LAMB1: variants seen among roughly 807,000 people sequenced by gnomAD.
LAMB1 encodes laminin subunit beta-1.
Under a neutral mutation model 222.3 loss-of-function variants are expected in LAMB1, and 121 were observed. That is an observed-to-expected ratio of 0.54 (90% CI 0.47 to 0.63). The LOEUF (loss-of-function observed/expected upper bound fraction) is 0.63, where lower values mean the gene tolerates loss of function less well. LAMB1 is among the 30% of genes least tolerant of loss of function. The probability of loss-of-function intolerance (pLI) is 0.00; values close to 1 mark genes in which losing one functional copy is unlikely to be tolerated. For missense variants in LAMB1, 2,172 were observed against 2,240.8 expected (o/e 0.97, Z 0.62); for synonymous variants, 794 against 807.2 (o/e 0.98, Z 0.28).
intron 7 of LAMB1, among the ~76,000 whole-genome samples, chr7:107,984,669 CCT>C (rs1455913430): frequency 2.6e-5 from 4 of 152,088 alleles, no homozygotes; most frequent in Non-Finnish European, 4.4e-5. Flanking sequence ...ACATGGATGG[CCT>C]TATAACTAGG....
intron 9 of LAMB1, among the ~76,000 whole-genome samples, chr7:107,977,173 C>T (rs2033884071): frequency 7.3e-6 from 1 of 137,046 alleles, no homozygotes; most frequent in African/African-American, 2.6e-5. Context: ...TTTTTACCTA[C>T]AAAGCAAGCC....
In LAMB1 at chr7:107,975,298, T is replaced by C. The variant is rs2033829132; in HGVS notation, c.1305A>G (p.Glu435=). 1 of 1,614,110 alleles carries C rather than the reference T, an allele frequency of 6.2e-7. No homozygotes were observed. The highest frequency in any genetic ancestry group is 1.3e-5 in the African/African-American group (1 of 75,048). The change falls in exon 11 of 34, where the codon GAA becomes GAG. Residue 435 remains glutamate, a synonymous_variant. Transcript: ENST00000222399. ...AGCCTTCTTTGCAAACATCACAATGTTCTCCTTCCACATTTAATTTACACC... is the reference window on the plus strand; with the variant it reads ...AGCCTTCTTTGCAAACATCACAATGCTCTCCTTCCACATTTAATTTACACC... ...QCRCKLNVEG[E]HCDVCKEGFY...
chr7:107,935,347 GTTTTTTTTTTTTTT>G (rs200599445), intron 27 of LAMB1, 54 bp downstream of exon 27: 21,147 of 1,146,762 alleles, frequency 0.018, 12 homozygotes, highest in East Asian at 0.022. Flanking sequence ...GTTTTTCTTT[GTTTTTTTTTTTTTT>G]TTTTTTTTTT....
chr7:107,946,921 G>A lies in LAMB1; in HGVS notation c.3391+4305C>T, dbSNP rs1158918803. ...CTCTTGCCTATGCCCCACATTTACC[G>A]TTTGCCTGGGTTTAGAGACACTGCC... On this transcript the variant is annotated intron_variant, in intron 24 of 33. Transcript: ENST00000222399. Among the ~76,000 whole-genome samples the A allele has an allele frequency of 3.3e-5, 5 of 152,280 alleles. No homozygotes were observed. In the East Asian group the frequency reaches 5.8e-4, roughly 18 times the overall value.
At chr7:107,960,969 C>G (rs949359529) in intron 17 of LAMB1, among the ~76,000 whole-genome samples, 17 of 152,188 alleles carry the variant, frequency 1.1e-4, no homozygotes, top group African/African-American at 4.1e-4. Context: ...GTTGGGATTA[C>G]AGGTGTGAGT....
At chr7:107,960,325 C>T (rs559730223) in intron 18 of LAMB1, 120 bp downstream of exon 18, 3 of 666,010 alleles carry the variant, frequency 4.5e-6, no homozygotes, top group Non-Finnish European at 7.9e-6. Context: ...GTAACTGAGA[C>T]ACTATTTCCC....
At chr7:107,926,878 T>C (rs1302109150) in intron 31 of LAMB1, among the ~76,000 whole-genome samples, 1 of 152,154 alleles carries the variant, frequency 6.6e-6, no homozygotes, top group Non-Finnish European at 1.5e-5. Context: ...ATGTATGGTC[T>C]GGGAACGTTA....
At chr7:107,926,087 T>C in intron 32 of LAMB1, 96 bp downstream of exon 32, 1 of 865,246 alleles carries the variant, frequency 1.2e-6, no homozygotes, top group Non-Finnish European at 1.8e-6. Context: ...TGAATTCTGT[T>C]TCTGTTAGGT....
chr7:107,937,820 C>T (rs950456305), intron 25 of LAMB1, among the ~76,000 whole-genome samples: 2 of 152,322 alleles, frequency 1.3e-5, no homozygotes, highest in Admixed American at 1.3e-4. Flanking sequence ...GAGGGGCCTC[C>T]TTCTACCAAC....
At chr7:107,951,925 G>A (rs1341350017) in intron 23 of LAMB1, 84 bp downstream of exon 23, 2 of 1,154,094 alleles carry the variant, frequency 1.7e-6, no homozygotes, top group Non-Finnish European at 2.5e-6. Flanking sequence ...TGTGTGCCCT[G>A]GTGCCTTGCT....
At position 107,963,369 on chromosome 7, in the gene LAMB1, C is replaced by T. The variant is rs540399721; in HGVS notation, c.1699-306G>A. ...ATAAAAGAAAAAAGAGAACATCCCA[C>T]ATGCCGTTATAAGCAAGTCTAGGAA... On this transcript the variant is annotated intron_variant, in intron 14 of 33. Transcript: ENST00000222399. Among the ~76,000 whole-genome samples, 20 of 152,250 alleles carry T rather than the reference C, an allele frequency of 1.3e-4. 1 individual carries two copies. In the South Asian group the frequency reaches 4.2e-3, roughly 32 times the overall value.
chr7:107,959,776 C>T lies in LAMB1; in HGVS notation c.2373G>A (p.Gln791=), dbSNP rs773311401. The change falls in exon 19 of 34, where the codon CAG becomes CAA. Residue 791 remains glutamine (Q), a synonymous_variant. Coordinates refer to ENST00000222399, the MANE Select transcript of LAMB1 (RefSeq NM_002291.3). The part of the protein sequence containing the change: ...LSSVCDPNGG[Q]CQCRPNVVGR... ...CAACCACGTTGGGCCGGCACTGGCA[C>T]TGGCCTCCGTTGGGATCACACACGG... 2 of 1,614,146 alleles carry T rather than the reference C, an allele frequency of 1.2e-6. No individual in the cohort carries two copies. The highest frequency in any genetic ancestry group is 1.7e-6 in the Non-Finnish European group (2 of 1,180,008).
Position 107,979,664 on chromosome 7 carries a change from A to G in LAMB1, c.879+945T>C, listed in dbSNP as rs147612162. Among the ~76,000 whole-genome samples, 1,206 of 152,354 alleles carry G rather than the reference A, an allele frequency of 7.9e-3. 23 individuals carry two copies. The highest frequency in any genetic ancestry group is 0.027 in the African/African-American group (1,135 of 41,578). ...CCAAATCCCAAATTTCAAAATGTAC[A>G]TAAGTTGCAAATGTGGCATAAAAGT... On this transcript the variant is annotated intron_variant, in intron 8 of 33. Transcript: ENST00000222399.
intron 9 of LAMB1, among the ~76,000 whole-genome samples, chr7:107,976,836 TCTCTCCTTCCTTCCTTTC>T (rs989600200): frequency 2.0e-5 from 3 of 149,830 alleles, no homozygotes; most frequent in Non-Finnish European, 4.4e-5. Context: ...TTCTTTCCTC[TCTCTCCTTCCTTCCTTTC>T]CTCTCCTTCC....
At chr7:107,979,548 TA>T in intron 8 of LAMB1, among the ~76,000 whole-genome samples, 1 of 152,320 alleles carries the variant, frequency 6.6e-6, no homozygotes, top group East Asian at 1.9e-4. Flanking sequence ...GGTGATCTCA[TA>T]AGTCCTATCT....
intron 13 of LAMB1, among the ~76,000 whole-genome samples, chr7:107,968,382 G>C (rs1421318542): frequency 1.3e-5 from 2 of 152,202 alleles, no homozygotes; most frequent in Non-Finnish European, 2.9e-5. Flanking sequence ...TAAGGCCTGT[G>C]TGAGGCAGAA....
intron 7 of LAMB1, among the ~76,000 whole-genome samples, chr7:107,982,302 A>C (rs1320693129): frequency 2.0e-5 from 3 of 152,224 alleles, no homozygotes; most frequent in Non-Finnish European, 4.4e-5. Context: ...ACTGTCATTT[A>C]TGTCTGTGCA....
chr7:107,932,346 G>A lies in LAMB1; in HGVS notation c.4220C>T (p.Ser1407Phe), dbSNP rs770186233. ...TCGTPPGASC[S>F]ETECGGPNCR... ...GTTTGGCCCGCCACATTCAGTCTCGGAACAGGAGGCCCCTGGGGGTGTTCC... is the reference window on the plus strand; with the variant it reads ...GTTTGGCCCGCCACATTCAGTCTCGAAACAGGAGGCCCCTGGGGGTGTTCC... The change falls in exon 28 of 34, where the codon TCC (serine) becomes TTC (phenylalanine). Residue 1407 changes from serine to phenylalanine, a missense_variant. Ser to Phe is a radical substitution (Grantham distance 155). Transcript: ENST00000222399. 6 of 1,614,186 alleles carry A rather than the reference G, an allele frequency of 3.7e-6. No individual in the cohort carries two copies. The East Asian group carries it at 1.1e-4, about 30-fold the overall frequency.
At chr7:107,952,293 T>C in intron 22 of LAMB1, 70 bp from the exon 23 acceptor site, 1 of 1,160,656 alleles carries the variant, frequency 8.6e-7, no homozygotes, top group Non-Finnish European at 1.2e-6. Flanking sequence ...GTTAGCCACA[T>C]CTAAATGCTA....
Sources: allele counts gnomAD v4.1 joint callset (sites outside exome capture counted in the v4.1 genomes callset), GRCh38; gene constraint gnomAD v4.1.1; transcripts MANE v1.5; gene names NCBI Gene and HGNC (gene_info 2026-07-23, HGNC 2026-07-21).